Variants in EPSTI1 observed in about 807,000 individuals in gnomAD.
The protein encoded by EPSTI1 is epithelial stromal interaction 1, also known as epithelial-stromal interaction protein 1.
A neutral mutation model predicts 49.9 loss-of-function variants in EPSTI1; 66 were observed. That is an observed-to-expected ratio of 1.32 (90% confidence interval 1.08 to 1.62). The LOEUF (loss-of-function observed/expected upper bound fraction) is 1.62, where lower values mean the gene tolerates loss of function less well. Ranked by LOEUF, EPSTI1 falls within the 40% of genes most tolerant of loss-of-function variation. The probability of loss-of-function intolerance (pLI) is 0.00; values close to 1 mark genes in which losing one functional copy is unlikely to be tolerated. For synonymous variants in EPSTI1, 137 were observed against 130.7 expected, an observed-to-expected ratio of 1.05 and a Z score of -0.33; for missense variants, 394 against 365.5, an observed-to-expected ratio of 1.08 and a Z score of -0.64.
intron 8 of EPSTI1, among the ~76,000 whole-genome samples, chr13:42,914,408 T>A (rs2037772169): frequency 6.6e-6 from 1 of 151,482 alleles, no homozygotes; most frequent in African/African-American, 2.4e-5. Context: ...CTGAGACAGA[T>A]CAACCAGAAT....
At chr13:42,943,286 C>T (rs2038817829) in intron 6 of EPSTI1, among the ~76,000 whole-genome samples, 1 of 152,154 alleles carries the variant, frequency 6.6e-6, no homozygotes, top group Admixed American at 6.5e-5. Context: ...TCTTATGCAT[C>T]AAGAAGAGTT....
intron 10 of EPSTI1, among the ~76,000 whole-genome samples, chr13:42,890,442 A>C (rs1050383117): frequency 2.0e-5 from 3 of 151,328 alleles, no homozygotes; most frequent in Admixed American, 6.6e-5. Flanking sequence ...GGACTACAGG[A>C]GCCCGCCACC....
chr13:42,953,804 A>G lies in EPSTI1; in HGVS notation c.563+144T>C, dbSNP rs1049266467. ...GACATGTCTCTCCCACCTTACTTAC[A>G]TGGTGAAAGAGTTCAATTACATAAT... is the stretch of plus-strand genomic sequence containing the variant. On this transcript the variant is annotated intron_variant, in intron 6 of 10. Coordinates refer to ENST00000313624, the MANE Select transcript of EPSTI1 (RefSeq NM_033255.5). 4.8e-6 allele frequency: 3 copies of G among 625,486 alleles called. No homozygotes were observed. In the African/African-American group the frequency reaches 5.5e-5, roughly 12 times the overall value. The allele number at this position is 625,486 out of a possible 1,614,324, so 38.7% of individuals were successfully genotyped here. A position where few individuals can be genotyped will look rare whatever the true frequency, so the allele number is the denominator to read the frequency against.
chr13:42,951,121 C>T (rs942620169), intron 6 of EPSTI1, among the ~76,000 whole-genome samples: 2 of 152,100 alleles, frequency 1.3e-5, no homozygotes, highest in Non-Finnish European at 2.9e-5. Flanking sequence ...CAAGCCATTG[C>T]ACTCCAGCCT....
intron 5 of EPSTI1, among the ~76,000 whole-genome samples, chr13:42,957,261 G>C (rs2153429619): frequency 6.6e-6 from 1 of 152,314 alleles, no homozygotes; most frequent in East Asian, 1.9e-4. Context: ...TGGATTTGAG[G>C]TATACTTGTG....
At chr13:42,937,125 T>C (rs2153424510) in intron 6 of EPSTI1, among the ~76,000 whole-genome samples, 1 of 152,234 alleles carries the variant, frequency 6.6e-6, no homozygotes, top group East Asian at 1.9e-4. Context: ...TCCATTCATA[T>C]AAAAGTTGGG....
chr13:42,970,603 T>A lies in EPSTI1; in HGVS notation c.247+9A>T, dbSNP rs1411129829. 1.2e-6 allele frequency: 2 copies of A among 1,600,432 alleles called. No homozygotes were observed. The highest frequency in any genetic ancestry group is 1.7e-6 in the Non-Finnish European group (2 of 1,172,032). Reference sequence around the variant, plus strand: ...GCATTCTGAATGTTAAATGAATGACTATACATACTTCTTTGTATCTCATTT... The same window carrying A: ...GCATTCTGAATGTTAAATGAATGACAATACATACTTCTTTGTATCTCATTT... On this transcript the variant is annotated intron_variant, in intron 2 of 10. Transcript: ENST00000313624.
chr13:42,911,684 T>TTGCA (rs1223199530), intron 8 of EPSTI1, among the ~76,000 whole-genome samples: 1 of 152,200 alleles, frequency 6.6e-6, no homozygotes, highest in African/African-American at 2.4e-5. Context: ...TGCCGTGTAT[T>TTGCA]TGCATTTTTA....
intron 5 of EPSTI1, among the ~76,000 whole-genome samples, chr13:42,955,565 G>A (rs1415339744): frequency 6.6e-6 from 1 of 152,148 alleles, no homozygotes; most frequent in African/African-American, 2.4e-5. Flanking sequence ...TCTTTGGGAG[G>A]CCGAGGCGGG....
intron 7 of EPSTI1, 45 bp downstream of exon 7, chr13:42,926,290 CT>C (rs2038175483): frequency 9.3e-7 from 1 of 1,075,392 alleles, no homozygotes; most frequent in African/African-American, 1.6e-5. Flanking sequence ...CACTAAATAC[CT>C]CTATAAAATG....
chr13:42,930,757 T>C (rs1461556348), intron 6 of EPSTI1, among the ~76,000 whole-genome samples: 2 of 152,198 alleles, frequency 1.3e-5, no homozygotes, highest in African/African-American at 2.4e-5. Flanking sequence ...AGGTCCTACT[T>C]AATACCTCTC....
intron 1 of EPSTI1, among the ~76,000 whole-genome samples, chr13:42,990,516 G>A (rs1385053815): frequency 1.3e-5 from 2 of 152,158 alleles, no homozygotes; most frequent in African/African-American, 2.4e-5. Flanking sequence ...TCATGGACAC[G>A]AGACCATATG....
intron 3 of EPSTI1, among the ~76,000 whole-genome samples, 188 bp from the exon 4 acceptor site, chr13:42,964,327 C>T (rs1209733569): frequency 6.7e-6 from 1 of 148,234 alleles, no homozygotes; most frequent in African/African-American, 2.7e-5. Context: ...GAAGAAAGAG[C>T]TGGATAGAAA....
Position 42,887,581 on chromosome 13 carries a change from G to T in EPSTI1, c.*913C>A, listed in dbSNP as rs1046091626. On this transcript the variant is annotated 3_prime_UTR_variant, in exon 11 of 11. Transcript: ENST00000313624. The stretch of plus-strand genomic sequence containing the variant: ...GACGGTGAGGCGGAGGGGACAGAGG[G>T]ATTGAGCTAGATTACACAGCGTAGA... 3 of 152,200 alleles carry T rather than the reference G, an allele frequency of 2.0e-5. No individual in the cohort carries two copies. The highest frequency in any genetic ancestry group is 1.3e-4 in the Admixed American group (2 of 15,286). The allele number at this position is 152,200 out of a possible 1,614,324, so 9.4% of individuals were successfully genotyped here. A position where few individuals can be genotyped will look rare whatever the true frequency, so the allele number is the denominator to read the frequency against.
At chr13:42,909,080 C>T (rs901369468) in intron 8 of EPSTI1, among the ~76,000 whole-genome samples, 7 of 135,324 alleles carry the variant, frequency 5.2e-5, no homozygotes, top group Non-Finnish European at 9.7e-5. Context: ...GCAACAAGAG[C>T]GAAACTCCAT....
At position 42,922,194 on chromosome 13, in the gene EPSTI1, C is replaced by G. The variant is rs1477044531; in HGVS notation, c.657+4142G>C. ...GTCAAGAGATACCAACACATATTAA[C>G]AGATATTCGGAGCTAACTAAGAAAA... On this transcript the variant is annotated intron_variant, in intron 7 of 10. Transcript: ENST00000313624. This position sits in a 1 kb window ranked among gnomAD's most constrained non-coding sequence, Gnocchi z 4.8. Among the ~76,000 whole-genome samples the G allele has an allele frequency of 2.6e-5, 4 of 152,198 alleles. No individual in the cohort carries two copies. Among genetic ancestry groups the G allele is most frequent in the Non-Finnish European group, 4.4e-5 (3 of 68,034 alleles).
chr13:42,899,114 C>T (rs1419627138), intron 9 of EPSTI1, among the ~76,000 whole-genome samples: 2 of 151,604 alleles, frequency 1.3e-5, no homozygotes, highest in African/African-American at 4.8e-5. Flanking sequence ...AGGAGAGTCA[C>T]TTGAACCCGG....
chr13:42,949,556 C>T lies in EPSTI1; in HGVS notation c.563+4392G>A, dbSNP rs571683991. The stretch of plus-strand genomic sequence containing the variant: ...GCAGTGAGCTGAGATTGAGCCACTG[C>T]ACTCCAGCCTGGGCAACAGAACAAG... On this transcript the variant is annotated intron_variant, in intron 6 of 10. Transcript: ENST00000313624. Among the ~76,000 whole-genome samples, 9 of 145,244 alleles carry T rather than the reference C, an allele frequency of 6.2e-5. No homozygotes were observed. In the East Asian group the frequency reaches 1.8e-3, roughly 29 times the overall value.
intron 2 of EPSTI1, chr13:42,969,499 A>C (rs2039712782): frequency 3.7e-6 from 1 of 271,826 alleles, no homozygotes; most frequent in Admixed American, 5.0e-5. Context: ...TTTTAAAGTT[A>C]CCTATAGAAA....
Sources: gnomAD v4.1 joint callset for allele counts (sites outside exome capture counted in the v4.1 genomes callset) on GRCh38, gnomAD v4.1.1 for gene constraint, Gnocchi (gnomAD v3.1) non-coding constraint, MANE v1.5 for transcripts, NCBI Gene and HGNC (gene_info 2026-07-23, HGNC 2026-07-21) for gene names.